The following ZC3H12B variants were observed in gnomAD, a reference collection of about 807,000 sequenced individuals.
ZC3H12B encodes the protein probable ribonuclease ZC3H12B.
ZC3H12B carries 7 observed loss-of-function variants against 43.9 expected under a neutral mutation model. The observed-to-expected ratio is 0.16, with a 90% CI of 0.09 to 0.30. ZC3H12B has a LOEUF of 0.30. ZC3H12B is among the 10% of genes least tolerant of loss of function. The pLI is 1.00. For missense variants in ZC3H12B, 475 were observed against 670.2 expected (o/e 0.71, Z 3.22); for synonymous variants, 222 against 241.7 (o/e 0.92, Z 0.76).
chrX:65,362,486 T>C (rs2066116713), upstream of ZC3H12B, among the ~76,000 whole-genome samples: 2 of 110,856 alleles, frequency 1.8e-5, no homozygotes, highest in Non-Finnish European at 3.8e-5. Context: ...GACTAAATTA[T>C]CTGCTTCCCT....
At chrX:65,285,207 G>T in the ZC3H12B span, among the ~76,000 whole-genome samples, 3 of 109,782 alleles carry the variant, frequency 2.7e-5, no homozygotes, top group East Asian at 5.7e-4. Flanking sequence ...TGAGATTTTG[G>T]TACACCCTTC....
the ZC3H12B span, among the ~76,000 whole-genome samples, chrX:65,067,127 C>T: frequency 3.6e-5 from 4 of 110,329 alleles, no homozygotes; most frequent in Non-Finnish European, 5.7e-5. Context: ...CTGGCTTCAG[C>T]CCCCTTTCCA....
At chrX:65,059,069 C>T in the ZC3H12B span, among the ~76,000 whole-genome samples, 1 of 111,678 alleles carries the variant, frequency 9.0e-6, no homozygotes, top group Non-Finnish European at 1.9e-5. Flanking sequence ...GCTTGGTGCA[C>T]TGCACCCACT....
the ZC3H12B span, among the ~76,000 whole-genome samples, chrX:65,285,687 C>T: frequency 9.0e-6 from 1 of 111,531 alleles, no homozygotes; most frequent in Non-Finnish European, 1.9e-5. Context: ...TACACTAGTA[C>T]TACAACAGAT....
At chrX:65,296,886 C>T in the ZC3H12B span, among the ~76,000 whole-genome samples, 1 of 111,115 alleles carries the variant, frequency 9.0e-6, no homozygotes, top group African/African-American at 3.3e-5. Context: ...ACTGCATAAA[C>T]ATAATTAAAA....
intron 2 of ZC3H12B, among the ~76,000 whole-genome samples, chrX:65,372,372 C>A (rs1411543954): frequency 9.0e-6 from 1 of 110,816 alleles, no homozygotes; most frequent in Non-Finnish European, 1.9e-5. Context: ...GTTGGGGAAG[C>A]AACAGAGGTT....
At chrX:65,437,236 G>T (rs376261371) in intron 3 of ZC3H12B, among the ~76,000 whole-genome samples, 1 of 111,482 alleles carries the variant, frequency 9.0e-6, no homozygotes, top group African/African-American at 3.3e-5. Flanking sequence ...ACAGGTGTGA[G>T]CCACCACATC....
the ZC3H12B span, among the ~76,000 whole-genome samples, chrX:65,244,436 C>A: frequency 9.1e-6 from 1 of 109,751 alleles, no homozygotes; most frequent in Non-Finnish European, 1.9e-5. Context: ...ACAGAGTTGC[C>A]ACAATACTTA....
chrX:65,289,250 T>G, the ZC3H12B span, among the ~76,000 whole-genome samples: 2 of 110,590 alleles, frequency 1.8e-5, no homozygotes, highest in Non-Finnish European at 3.8e-5. Context: ...AATTTAAAAA[T>G]TCACATGGAA....
chrX:65,384,758 A>C (rs1401715376), intron 2 of ZC3H12B, among the ~76,000 whole-genome samples: 3 of 112,134 alleles, frequency 2.7e-5, no homozygotes, highest in Non-Finnish European at 5.6e-5. Context: ...TATGTTGTCT[A>C]TGAGAAACAG....
the ZC3H12B span, among the ~76,000 whole-genome samples, chrX:65,119,650 A>T: frequency 9.0e-6 from 1 of 111,455 alleles, no homozygotes; most frequent in East Asian, 2.8e-4. Flanking sequence ...CTTTAGTTTA[A>T]TTAGATCCCA....
chrX:65,218,506 A>G, the ZC3H12B span, among the ~76,000 whole-genome samples: 1 of 111,539 alleles, frequency 9.0e-6, no homozygotes, highest in Non-Finnish European at 1.9e-5. Context: ...CTTTTGGGCT[A>G]TAGGCTGCAT....
chrX:65,088,115 T>C, the ZC3H12B span, among the ~76,000 whole-genome samples: 1 of 112,022 alleles, frequency 8.9e-6, no homozygotes, highest in Non-Finnish European at 1.9e-5. Flanking sequence ...GTGACGGTGA[T>C]AGTGTTTACA....
At chrX:65,153,010 T>C in the ZC3H12B span, among the ~76,000 whole-genome samples, 84 of 112,088 alleles carry the variant, frequency 7.5e-4, no homozygotes, top group Non-Finnish European at 1.4e-3. Context: ...TAAATGGTGC[T>C]GTGAAAACTG....
chrX:65,155,284 G>T, the ZC3H12B span, among the ~76,000 whole-genome samples: 8 of 109,780 alleles, frequency 7.3e-5, no homozygotes, highest in African/African-American at 2.7e-4. Flanking sequence ...TAGTCACCAT[G>T]AAAGAATGTT....
chrX:65,258,633 G>A, the ZC3H12B span, among the ~76,000 whole-genome samples: 1 of 111,440 alleles, frequency 9.0e-6, no homozygotes, highest in African/African-American at 3.3e-5. Context: ...AACTATTTCT[G>A]CTTGCAGACT....
chrX:65,502,821 G>A (rs1295521026), exon 5 of ZC3H12B: 5 of 1,207,504 alleles, frequency 4.1e-6, no homozygotes, highest in East Asian at 3.0e-5. Context: ...TCCGACTCCC[G>A]CCTCTATGAG....
At chrX:65,065,850 C>CT in the ZC3H12B span, among the ~76,000 whole-genome samples, 2 of 104,575 alleles carry the variant, frequency 1.9e-5, no homozygotes, top group Non-Finnish European at 3.9e-5. Context: ...TTTTTTTATT[C>CT]TTTTTTCTCT....
chrX:65,214,456 C>T, the ZC3H12B span, among the ~76,000 whole-genome samples: 2 of 111,703 alleles, frequency 1.8e-5, no homozygotes, highest in African/African-American at 6.5e-5. Flanking sequence ...ACAATGTTCA[C>T]ATCATTTTTA....
Sources: allele counts gnomAD v4.1 joint callset (sites outside exome capture counted in the v4.1 genomes callset), GRCh38; gene constraint gnomAD v4.1.1; transcripts MANE v1.5; gene names NCBI Gene and HGNC (gene_info 2026-07-23, HGNC 2026-07-21).